Variants in ZNF704 observed in about 807,000 individuals in gnomAD.
ZNF704 encodes the protein zinc finger protein 704.
In ZNF704, 10 loss-of-function variants were observed where a neutral mutation model predicts 44.7. The ratio of observed to expected loss-of-function variants is 0.22; its 90% confidence interval spans 0.14 to 0.38. ZNF704 has a LOEUF of 0.38. ZNF704 is among the 10% of genes least tolerant of loss of function. ZNF704 has a pLI of 1.00. For synonymous variants in ZNF704, 211 were observed against 207.6 expected (o/e 1.02, Z -0.14); for missense variants, 390 against 545.5 (o/e 0.71, Z 2.84).
chr8:80,649,436 A>G lies in ZNF704; in HGVS notation c.1033-6307T>C, dbSNP rs561786337. Among the ~76,000 whole-genome samples the G allele has an allele frequency of 7.9e-5, 12 of 152,328 alleles. No individual in the cohort carries two copies. The South Asian group carries it at 1.0e-3, about 13-fold the overall frequency. ...CTAGTCAAAGAAAGGGGTGACAGAC[A>G]GCACCTGGAAAATTGGGTCTCTCCC... is the stretch of plus-strand genomic sequence containing the variant. On this transcript the variant is annotated intron_variant, in intron 7 of 8. Transcript: ENST00000327835.
chr8:80,707,036 A>G (rs1465745117), intron 2 of ZNF704, among the ~76,000 whole-genome samples: 1 of 152,250 alleles, frequency 6.6e-6, no homozygotes, highest in African/African-American at 2.4e-5. Flanking sequence ...TTTATTGAGC[A>G]TTCATGACAC....
At chr8:80,667,031 A>T (rs1232807481) in intron 5 of ZNF704, among the ~76,000 whole-genome samples, 1 of 152,104 alleles carries the variant, frequency 6.6e-6, no homozygotes, top group Non-Finnish European at 1.5e-5. Context: ...CTCTCTGAGG[A>T]GGTGACGTTT....
At chr8:80,768,251 ATTAGG>A (rs918341200) in intron 2 of ZNF704, among the ~76,000 whole-genome samples, 2 of 152,088 alleles carry the variant, frequency 1.3e-5, no homozygotes, top group African/African-American at 4.8e-5. Context: ...TACAAAACTA[ATTAGG>A]TTTTTTTTTC....
upstream of ZNF704, among the ~76,000 whole-genome samples, chr8:80,877,773 C>T (rs974396770): frequency 6.6e-6 from 1 of 152,112 alleles, no homozygotes; most frequent in African/African-American, 2.4e-5. Context: ...AATAACCCTC[C>T]CTCGGGGAGG....
Position 80,641,326 on chromosome 8 carries a change from G to A in ZNF704, c.*40C>T, listed in dbSNP as rs1386195648. 7.3e-7 allele frequency: 1 copy of A among 1,365,136 alleles called. No individual in the cohort carries two copies. The highest frequency in any genetic ancestry group is 1.0e-6 in the Non-Finnish European group (1 of 1,000,164). The allele number at this position is 1,365,136 out of a possible 1,614,324, so 84.6% of individuals were successfully genotyped here. A position where few individuals can be genotyped will look rare whatever the true frequency, so the allele number is the denominator to read the frequency against. ...CACCTGCAGTGGCAGGCCAGGGCAGGAGCGGCTCAGGGCCCTGAGCCCCTC... is the reference window on the plus strand; with the variant it reads ...CACCTGCAGTGGCAGGCCAGGGCAGAAGCGGCTCAGGGCCCTGAGCCCCTC... On this transcript the variant is annotated 3_prime_UTR_variant, in exon 9 of 9. Transcript: ENST00000327835.
At chr8:80,846,090 G>A (rs926395084) in intron 1 of ZNF704, among the ~76,000 whole-genome samples, 2 of 152,094 alleles carry the variant, frequency 1.3e-5, no homozygotes, top group Admixed American at 1.3e-4. Context: ...GGATTTTTAT[G>A]AGGGAATGCT....
At chr8:80,705,360 G>T (rs947055211) in intron 2 of ZNF704, among the ~76,000 whole-genome samples, 1 of 150,418 alleles carries the variant, frequency 6.6e-6, no homozygotes, top group African/African-American at 2.5e-5. Flanking sequence ...CTGCACAGTT[G>T]TGTGTCGGGG....
At chr8:80,802,577 A>G (rs1807919885) in intron 2 of ZNF704, among the ~76,000 whole-genome samples, 2 of 152,224 alleles carry the variant, frequency 1.3e-5, no homozygotes, top group Admixed American at 1.3e-4. Context: ...AAACAAAACT[A>G]AAGACAAAAA....
At chr8:80,690,365 G>A (rs11986650) in intron 3 of ZNF704, among the ~76,000 whole-genome samples, 4 of 151,916 alleles carry the variant, frequency 2.6e-5, no homozygotes, top group South Asian at 2.1e-4. Flanking sequence ...CTTTTTCCTC[G>A]AAGGATTCCA....
chr8:80,835,717 CTCTT>C (rs1455688954), intron 1 of ZNF704, among the ~76,000 whole-genome samples: 6 of 152,212 alleles, frequency 3.9e-5, no homozygotes, highest in South Asian at 2.1e-4. Context: ...GGCATAGTGA[CTCTT>C]TCACAGGACA....
intron 2 of ZNF704, among the ~76,000 whole-genome samples, chr8:80,755,925 C>A (rs1807026680): frequency 1.3e-5 from 2 of 151,878 alleles, no homozygotes; most frequent in Non-Finnish European, 1.5e-5. Context: ...GGGCAACACT[C>A]AAGACCCCAT....
chr8:80,853,455 C>A (rs1010707229), intron 1 of ZNF704, among the ~76,000 whole-genome samples: 1 of 151,638 alleles, frequency 6.6e-6, no homozygotes, highest in Admixed American at 6.6e-5. Flanking sequence ...AAATGTTCTA[C>A]AAGTATTGCT....
chr8:80,778,064 AG>A (rs1470929988), intron 2 of ZNF704, among the ~76,000 whole-genome samples: 2 of 152,178 alleles, frequency 1.3e-5, no homozygotes, highest in African/African-American at 4.8e-5. Context: ...TTAACTTCAA[AG>A]CTTAAAAAAC....
chr8:80,859,631 T>C (rs1300379920), intron 1 of ZNF704, among the ~76,000 whole-genome samples: 1 of 152,228 alleles, frequency 6.6e-6, no homozygotes, highest in Non-Finnish European at 1.5e-5. Flanking sequence ...CTTTTGTATT[T>C]CTCAATACAT....
intron 2 of ZNF704, among the ~76,000 whole-genome samples, chr8:80,714,339 A>C (rs1197216329): frequency 2.0e-5 from 3 of 152,200 alleles, no homozygotes; most frequent in African/African-American, 7.2e-5. Context: ...AGAATGAAAA[A>C]TTCTGCACTA....
Position 80,632,378 on chromosome 8 carries a change from ACT to A in ZNF704, c.*8986_*8987del, listed in dbSNP as rs1817601561. 1 of 151,500 alleles carries A rather than the reference ACT, an allele frequency of 6.6e-6. No individual in the cohort carries two copies. The highest frequency in any genetic ancestry group is 1.5e-5 in the Non-Finnish European group (1 of 67,940). 9.4% of individuals were successfully genotyped at this position (151,500 alleles called of 1,614,324 possible). ...TTTCCCTCTTTCTTCTTTTGTTTTC[ACT>A]CTTTCTTCCTCTGTTGGCCAGGCTG... On this transcript the variant is annotated 3_prime_UTR_variant, in exon 9 of 9. Coordinates refer to ENST00000327835, the MANE Select transcript of ZNF704 (RefSeq NM_001033723.3).
intron 1 of ZNF704, among the ~76,000 whole-genome samples, chr8:80,830,701 TAAGG>T: frequency 1.3e-5 from 2 of 149,526 alleles, no homozygotes; most frequent in Middle Eastern, 3.5e-3. Context: ...CCAGAGTAAC[TAAGG>T]AAGGAGGGAA....
At chr8:80,674,034 T>C (rs1651425076) in intron 4 of ZNF704, among the ~76,000 whole-genome samples, 1 of 152,210 alleles carries the variant, frequency 6.6e-6, no homozygotes, top group Non-Finnish European at 1.5e-5. Context: ...GACCCAGAGC[T>C]ACATGAGTTA....
At chr8:80,817,960 C>T (rs1463147244) in intron 2 of ZNF704, among the ~76,000 whole-genome samples, 2 of 152,144 alleles carry the variant, frequency 1.3e-5, no homozygotes, top group Non-Finnish European at 2.9e-5. Context: ...TGGCACCTCA[C>T]TCATCATTTT....
Sources: allele counts gnomAD v4.1 joint callset (sites outside exome capture counted in the v4.1 genomes callset), GRCh38; gene constraint gnomAD v4.1.1; transcripts MANE v1.5; gene names NCBI Gene and HGNC (gene_info 2026-07-23, HGNC 2026-07-21).